The following ELMO3 variants were observed in gnomAD, a reference collection of about 807,000 sequenced individuals.
The protein encoded by ELMO3 is engulfment and cell motility 3.
ELMO3 carries 81 observed loss-of-function variants against 89.0 expected under a neutral mutation model. The observed-to-expected ratio is 0.91, with a 90% CI of 0.76 to 1.09. The LOEUF (loss-of-function observed/expected upper bound fraction) is 1.09, where lower values mean the gene tolerates loss of function less well. Among genes scored for constraint, ELMO3 ranks in the 50% least tolerant of loss-of-function variants. The pLI, the probability that ELMO3 is intolerant of heterozygous loss-of-function variation, is 0.00. For synonymous variants in ELMO3, 406 were observed against 400.6 expected, an observed-to-expected ratio of 1.01 and a Z score of -0.16; for missense variants, 959 against 972.8, an observed-to-expected ratio of 0.99 and a Z score of 0.19.
At chr16:67,199,660 C>T (rs1159872187) in intron 2 of ELMO3, 24 bp from the exon 3 acceptor site, 2 of 1,608,526 alleles carry the variant, frequency 1.2e-6, no homozygotes, top group Non-Finnish European at 1.7e-6. Flanking sequence ...CCCTGCCGGC[C>T]TCGCTGAGCC....
At chr16:67,200,103 C>T (rs919354665) in intron 4 of ELMO3, 89 bp from the exon 5 acceptor site, 15 of 1,572,660 alleles carry the variant, frequency 9.5e-6, no homozygotes, top group Non-Finnish European at 1.3e-5. Context: ...CCTTGCGCCA[C>T]CTAGTTGACG....
chr16:67,199,853 G>T, intron 3 of ELMO3, 97 bp downstream of exon 3: 8 of 1,605,602 alleles, frequency 5.0e-6, no homozygotes, highest in Non-Finnish European at 6.8e-6. Flanking sequence ...ACCGGAGCGC[G>T]ATCTGTTATT....
chr16:67,199,394 A>C lies in ELMO3; in HGVS notation c.68A>C (p.Gln23Pro), dbSNP rs368638005. Residue 23 changes from glutamine (Q) to proline (P), a missense_variant, in exon 1 of 20, where the codon CAG becomes CCG. Transcript: ENST00000393997. ...CGTGACGCCATCCCGCAGCTCATCC[A>C]GCTGGACCAGGTCACCCGGCTGGTC... is the stretch of plus-strand genomic sequence containing the variant. ...KMRDAIPQLI[Q>P]LDQAKPLAAV... 2.5e-6 allele frequency: 4 copies of C among 1,607,218 alleles called. No homozygotes were observed. The highest frequency in any genetic ancestry group is 1.3e-5 in the African/African-American group (1 of 74,880).
In ELMO3 at chr16:67,202,713, G is replaced by C. The variant is rs752492126; in HGVS notation, c.1485G>C (p.Ala495=). The C allele has an allele frequency of 6.2e-7, 1 of 1,613,704 alleles. No homozygotes were observed. The highest frequency in any genetic ancestry group is 1.7e-5 in the Admixed American group (1 of 60,010). ...AGCTCTTCCGAACCAAGGTGAATGC[G>C]CTCACTTATGGGGAGGTGCTGCGGC... ...SLELFRTKVN[A]LTYGEVLRLR... Residue 495 remains alanine, a synonymous_variant, in exon 15 of 20, where the codon GCG becomes GCC. Transcript: ENST00000393997.
At chr16:67,199,476 G>GGCCCCCCCCCCCCCCCCCCCCCCC in intron 1 of ELMO3, 72 bp downstream of exon 1, 5 of 1,503,574 alleles carry the variant, frequency 3.3e-6, no homozygotes, top group Non-Finnish European at 2.7e-6. Flanking sequence ...CCTCGGGGCA[G>GGCCCCCCCCCCCCCCCCCCCCCCC]CCCGCCCCAC....
rs2033135699 is a variant in ELMO3 at position 67,202,387 on chromosome 16, C to T, written c.1262-10C>T. 1 of 1,613,794 alleles carries T rather than the reference C, an allele frequency of 6.2e-7. No individual in the cohort carries two copies. Among genetic ancestry groups the T allele is most frequent in the Non-Finnish European group, 8.5e-7 (1 of 1,180,016 alleles). On this transcript the variant is annotated splice_polypyrimidine_tract_variant and intron_variant, in intron 13 of 19. Transcript: ENST00000393997. Reference sequence around the variant, plus strand: ...TTTCTCCCTGAGCCCCTCCTGCCCCCCCACTCCAGGCTCTGAGACAGCCCA... The same window carrying T: ...TTTCTCCCTGAGCCCCTCCTGCCCCTCCACTCCAGGCTCTGAGACAGCCCA...
In ELMO3 at chr16:67,201,751, G is replaced by T. The variant is rs765753879; in HGVS notation, c.928G>T (p.Glu310Ter). ...CCAACACTGACCCCAGGAGCAGCGG[G>T]AGCAGCTGCAGGTCCTACGCCAGGC... ...PLDPYSQEQR[E>*]QLQVLRQAAF... Residue 310 changes from glutamate (E) to a stop codon, truncating the protein, a stop_gained, in exon 11 of 20, where the codon GAG becomes TAG. Coordinates refer to ENST00000393997, the MANE Select transcript of ELMO3 (RefSeq NM_024712.5). LOFTEE classifies it high-confidence loss of function. 6.2e-6 allele frequency: 10 copies of T among 1,610,362 alleles called. No homozygotes were observed. In the Admixed American group the frequency reaches 1.2e-4, roughly 19 times the overall value.
intron 4 of ELMO3, 72 bp from the exon 5 acceptor site, chr16:67,200,120 G>A: frequency 1.9e-6 from 3 of 1,582,410 alleles, no homozygotes; most frequent in Non-Finnish European, 2.6e-6. Flanking sequence ...GACGCCCGGG[G>A]CCGCACACTT....
Position 67,201,388 on chromosome 16 carries a change from A to G in ELMO3, c.748A>G (p.Met250Val). ...CCCTTTCTTTCTACCCCCTCAGCAC[A>G]TGCTTGACTATCTTTGGCAGAGGAA... is the stretch of plus-strand genomic sequence containing the variant. ...QGASPVERKHMLDYLWQRNLR... is the reference protein window; with the variant it reads ...QGASPVERKHVLDYLWQRNLR... The change falls in exon 9 of 20, where the codon ATG becomes GTG. Residue 250 changes from methionine (M) to valine (V), a missense_variant. By Grantham distance (21) the Met-to-Val change is conservative. Transcript: ENST00000393997. 1 of 1,613,768 alleles carries G rather than the reference A, an allele frequency of 6.2e-7. No homozygotes were observed. The highest frequency in any genetic ancestry group is 8.5e-7 in the Non-Finnish European group (1 of 1,179,962).
At position 67,203,014 on chromosome 16, in the gene ELMO3, T is replaced by A; in HGVS notation, c.1675+10T>A. ...AGCCGGCGGCGCCAGGGTCTCTGAA[T>A]GGGCATGGGCAGGGGGCAGAGGGCA... On this transcript the variant is annotated intron_variant, in intron 16 of 19. Coordinates refer to ENST00000393997, the MANE Select transcript of ELMO3 (RefSeq NM_024712.5). This position sits in a 1 kb window ranked among gnomAD's most constrained non-coding sequence, Gnocchi z 4.6. The A allele has an allele frequency of 6.2e-7, 1 of 1,604,592 alleles. No individual in the cohort carries two copies. The highest frequency in any genetic ancestry group is 8.5e-7 in the Non-Finnish European group (1 of 1,179,424).
At position 67,199,168 on chromosome 16, in the gene ELMO3, A is replaced by C. The variant is rs2033033979; in HGVS notation, c.-159A>C. 1 of 1,609,106 alleles carries C rather than the reference A, an allele frequency of 6.2e-7. No individual in the cohort carries two copies. The highest frequency in any genetic ancestry group is 1.1e-5 in the South Asian group (1 of 90,978). Reference sequence around the variant, plus strand: ...GGCTCCCTTGGGAAGGCCGCGTTGCATGGCCAGGAGCAGCAGTCTGGGCCG... The same window carrying C: ...GGCTCCCTTGGGAAGGCCGCGTTGCCTGGCCAGGAGCAGCAGTCTGGGCCG... On this transcript the variant is annotated 5_prime_UTR_variant, in exon 1 of 20. It removes an upstream start codon present in the reference 5' UTR. Transcript: ENST00000393997.
rs748654938 is a variant in ELMO3 at position 67,202,865 on chromosome 16, A to G, written c.1563-27A>G. ...CCCCCTGGGCTACTCCCCAGGTCAG[A>G]TGTGCTCAGTGACACCCCTCTATCA... On this transcript the variant is annotated intron_variant, in intron 15 of 19. Transcript: ENST00000393997. 100 of 1,613,038 alleles carry G rather than the reference A, an allele frequency of 6.2e-5. No homozygotes were observed. The East Asian group carries it at 2.2e-3, about 36-fold the overall frequency.
rs2033179386 is a variant in ELMO3, at chr16:67,203,607, CGGCAGGTG to C, written c.1950+31_1950+38del. The C allele has an allele frequency of 1.9e-6, 3 of 1,613,948 alleles. No individual in the cohort carries two copies. The African/African-American group carries it at 4.0e-5, about 22-fold the overall frequency. ...AGGTGAGTGTCCGCCAGGCTGAGGTCGGCAGGTGGGCAGGGGAGGCAGATGGGCAGACC... is the reference window on the plus strand; with the variant it reads ...AGGTGAGTGTCCGCCAGGCTGAGGTCGGCAGGGGAGGCAGATGGGCAGACC... On this transcript the variant is annotated intron_variant, in intron 19 of 19. Coordinates refer to ENST00000393997, the MANE Select transcript of ELMO3 (RefSeq NM_024712.5). The surrounding 1 kb of genome is among the most constrained non-coding windows in gnomAD (Gnocchi z 4.6).
chr16:67,202,889 CAG>C lies in ELMO3; in HGVS notation c.1563-2_1563-1del. 6.2e-7 allele frequency: 1 copy of C among 1,613,058 alleles called. No homozygotes were observed. The highest frequency in any genetic ancestry group is 8.5e-7 in the Non-Finnish European group (1 of 1,179,952). ...GATGTGCTCAGTGACACCCCTCTAT[CAG>C]GGAGCTGCGGGAGAAGCTGAAGCCA... On this transcript the variant is annotated splice_acceptor_variant, in intron 15 of 19. Coordinates refer to ENST00000393997, the MANE Select transcript of ELMO3 (RefSeq NM_024712.5). LOFTEE classifies it high-confidence loss of function.
At position 67,201,455 on chromosome 16, in the gene ELMO3, G is replaced by A; in HGVS notation, c.795+20G>A. On this transcript the variant is annotated intron_variant, in intron 9 of 19. Coordinates refer to ENST00000393997, the MANE Select transcript of ELMO3 (RefSeq NM_024712.5). ...TATAAGGTAGGAAGTGGTGGGCCAG[G>A]GGGACCTCTCTGCCCCTCCCTCCCC... 6.2e-7 allele frequency: 1 copy of A among 1,614,004 alleles called. No individual in the cohort carries two copies. The highest frequency in any genetic ancestry group is 1.3e-5 in the African/African-American group (1 of 75,030).
chr16:67,200,060 C>A, intron 4 of ELMO3, 59 bp downstream of exon 4: 2 of 1,585,412 alleles, frequency 1.3e-6, no homozygotes, highest in South Asian at 1.1e-5. Context: ...GGTCCAGAGG[C>A]CCCCCGCCCC....
chr16:67,201,022 C>A, intron 8 of ELMO3, 54 bp downstream of exon 8: 5 of 1,544,824 alleles, frequency 3.2e-6, no homozygotes, highest in Non-Finnish European at 4.3e-6. Context: ...CGCTGCCCCA[C>A]CCTGAAGCAA....
At position 67,202,467 on chromosome 16, in the gene ELMO3, T is replaced by C; in HGVS notation, c.1332T>C (p.Cys444=). 1 of 1,613,352 alleles carries C rather than the reference T, an allele frequency of 6.2e-7. No homozygotes were observed. The highest frequency in any genetic ancestry group is 8.5e-7 in the Non-Finnish European group (1 of 1,180,008). The change falls in exon 14 of 20, where the codon TGT becomes TGC. Residue 444 remains cysteine, a synonymous_variant. Transcript: ENST00000393997. ...GQDQSFHELF[C]VGIQLLNKTW... ...ACCAGAGCTTCCACGAGCTCTTCTG[T>C]GTGGGCATCCAGCTGTTGAATAAGA...
chr16:67,201,181 G>C (rs1022375310), intron 8 of ELMO3, among the ~76,000 whole-genome samples: 15 of 150,708 alleles, frequency 1.0e-4, no homozygotes, highest in African/African-American at 3.7e-4. Flanking sequence ...GAGTAGCTGG[G>C]ACTACAGGCT....
Sources: gnomAD v4.1 joint callset for allele counts (sites outside exome capture counted in the v4.1 genomes callset) on GRCh38, gnomAD v4.1.1 for gene constraint, Gnocchi (gnomAD v3.1) non-coding constraint, MANE v1.5 for transcripts, NCBI Gene and HGNC (gene_info 2026-07-23, HGNC 2026-07-21) for gene names.